SYT15: variants seen among roughly 807,000 people sequenced by gnomAD.
The protein encoded by SYT15 is synaptotagmin-15.
Under a neutral mutation model 30.1 loss-of-function variants are expected in SYT15, and 4 were observed. That is an observed-to-expected ratio of 0.13 (90% CI 0.07 to 0.30). The LOEUF is 0.30. SYT15 is among the 10% of genes least tolerant of loss of function. The pLI is 1.00. For missense variants in SYT15, 49 were observed against 371.7 expected (o/e 0.13, Z 7.14); for synonymous variants, 19 against 166.3 (o/e 0.11, Z 6.82).
downstream of SYT15, chr10:46,596,975 G>A (rs1470047315): frequency 1.3e-5 from 4 of 302,424 alleles, no homozygotes; most frequent in African/African-American, 7.7e-5. Flanking sequence ...CAAAAATCAT[G>A]TGAATTTTGT....
At chr10:46,581,849 G>A in intron 3 of SYT15, 47 bp from the exon 4 acceptor site, 1 of 1,274,508 alleles carries the variant, frequency 7.8e-7, no homozygotes, top group Non-Finnish European at 1.1e-6. Flanking sequence ...TGTCTCCCAT[G>A]CCCCTGCCTT....
At chr10:46,586,342 C>T (rs1555040751) in intron 7 of SYT15, among the ~76,000 whole-genome samples, 1 of 131,438 alleles carries the variant, frequency 7.6e-6, no homozygotes, top group Admixed American at 7.4e-5. Flanking sequence ...GTCAGGAGAT[C>T]GAGACCGTCC....
chr10:46,580,921 C>T lies in SYT15; in HGVS notation c.240C>T (p.Pro80=), dbSNP rs373061691. 251 of 1,364,842 alleles carry T rather than the reference C, an allele frequency of 1.8e-4. 24 individuals are homozygous for T. Among genetic ancestry groups the T allele is most frequent in the Non-Finnish European group, 4.7e-5 (48 of 1,023,656 alleles). 84.5% of individuals were successfully genotyped at this position (1,364,842 alleles called of 1,614,324 possible). The part of the protein sequence containing the change: ...SRPPAVPFVV[P]PTLQGRDWVP... Reference sequence around the variant, plus strand: ...CACCAGCTGTGCCATTCGTGGTGCCCCCAACCCTTCAAGGCCGAGATTGGG... The same window carrying T: ...CACCAGCTGTGCCATTCGTGGTGCCTCCAACCCTTCAAGGCCGAGATTGGG... The change falls in exon 3 of 8, where the codon CCC becomes CCT. Residue 80 remains proline, a synonymous_variant. Coordinates refer to ENST00000374321, the MANE Select transcript of SYT15 (RefSeq NM_031912.5).
chr10:46,593,061 C>T (rs1555044436), downstream of SYT15, among the ~76,000 whole-genome samples: 1 of 99,032 alleles, frequency 1.0e-5, no homozygotes, highest in Non-Finnish European at 2.0e-5. Context: ...GTGTCAGTAA[C>T]ATGCACTGGC....
At chr10:46,595,577 AG>A (rs1845651886), downstream of SYT15, among the ~76,000 whole-genome samples, 1 of 142,548 alleles carries the variant, frequency 7.0e-6, no homozygotes, top group African/African-American at 2.7e-5. Context: ...GGCCTCCCAA[AG>A]TGCTGAGATT....
At chr10:46,596,802 A>G (rs782595104), downstream of SYT15, 28 of 435,944 alleles carry the variant, frequency 6.4e-5, 5 homozygotes, top group South Asian at 4.5e-4. Context: ...AGCCAAATGC[A>G]AGCCTGGGCC....
At chr10:46,593,616 A>T (rs553273826), downstream of SYT15, 2 of 146,058 alleles carry the variant, frequency 1.4e-5, no homozygotes, top group East Asian at 3.9e-4. Flanking sequence ...ATAAAAAAAA[A>T]GTATAGTGTG....
chr10:46,595,309 CTTCCTTTCT>C (rs1202669183), downstream of SYT15, among the ~76,000 whole-genome samples: 4 of 144,120 alleles, frequency 2.8e-5, no homozygotes, highest in Non-Finnish European at 4.5e-5. Context: ...GTCTGCCTTC[CTTCCTTTCT>C]TTCCTTTCTT....
chr10:46,594,838 G>T (rs1377733236), downstream of SYT15, among the ~76,000 whole-genome samples: 1 of 101,832 alleles, frequency 9.8e-6, no homozygotes, highest in African/African-American at 4.7e-5. Context: ...CTTTCCAGTT[G>T]TTCTTGGAAT....
At chr10:46,586,705 C>T (rs577210558) in intron 7 of SYT15, among the ~76,000 whole-genome samples, 1,821 of 132,614 alleles carry the variant, frequency 0.014, 266 homozygotes, top group Admixed American at 0.13. Flanking sequence ...GTTAGCTAGG[C>T]GTGGTGGTGC....
At position 46,588,274 on chromosome 10, in the gene SYT15, TCTGCCCATGGCCCACC is replaced by T. The variant is rs1555041986; in HGVS notation, c.*630_*645del. On this transcript the variant is annotated 3_prime_UTR_variant, in exon 8 of 8. Transcript: ENST00000374321. ...AAATGCCCTCCCACATTGTGTCAAG[TCTGCCCATGGCCCACC>T]CTCCCCACAGTCCAAAACCACACAG... 1 of 986,002 alleles carries T rather than the reference TCTGCCCATGGCCCACC, an allele frequency of 1.0e-6. No individual in the cohort carries two copies. Among genetic ancestry groups the T allele is most frequent in the African/African-American group, 1.7e-5 (1 of 57,248 alleles). 61.1% of individuals were successfully genotyped at this position (986,002 alleles called of 1,614,324 possible). A position where few individuals can be genotyped will look rare whatever the true frequency, so the allele number is the denominator to read the frequency against.
chr10:46,595,194 C>A (rs1368499214), downstream of SYT15, among the ~76,000 whole-genome samples: 1 of 133,542 alleles, frequency 7.5e-6, no homozygotes, highest in Admixed American at 7.3e-5. Flanking sequence ...GTGGCGCCAT[C>A]TCAGCTCACT....
At chr10:46,582,564 AG>A (rs199961566) in intron 4 of SYT15, among the ~76,000 whole-genome samples, 3,334 of 144,000 alleles carry the variant, frequency 0.023, 412 homozygotes, top group Non-Finnish European at 0.036. Flanking sequence ...TATCTAAGGA[AG>A]GCAAAAGACA....
chr10:46,596,005 T>A (rs1845669384), downstream of SYT15: 1 of 146,128 alleles, frequency 6.8e-6, no homozygotes, highest in East Asian at 1.9e-4. Flanking sequence ...TGATATCTTT[T>A]TCCTGAGGGG....
At position 46,591,022 on chromosome 10, in the gene SYT15, TA is replaced by T; in HGVS notation, c.*3379del. The T allele has an allele frequency of 7.0e-6, 1 of 141,914 alleles. No individual in the cohort carries two copies. The highest frequency in any genetic ancestry group is 2.8e-5 in the African/African-American group (1 of 36,068). The allele number at this position is 141,914 out of a possible 1,614,324, so 8.8% of individuals were successfully genotyped here. A position where few individuals can be genotyped will look rare whatever the true frequency, so the allele number is the denominator to read the frequency against. ...ACAACAATACTTGGACTTATTTATT[TA>T]AAATTTAGATTTATTAGAGGGAGCA... On this transcript the variant is annotated 3_prime_UTR_variant, in exon 8 of 8. Transcript: ENST00000374321.
In SYT15 at chr10:46,591,804, T is replaced by A. The variant is rs1348313058; in HGVS notation, c.*4157T>A. ...GCATTTAGAGGTTGTGTTATTAGGC[T>A]CATACCCATTTAAAATTGACGTTTT... On this transcript the variant is annotated 3_prime_UTR_variant, in exon 8 of 8. Coordinates refer to ENST00000374321, the MANE Select transcript of SYT15 (RefSeq NM_031912.5). The A allele has an allele frequency of 7.0e-6, 1 of 143,476 alleles. No individual in the cohort carries two copies. The highest frequency in any genetic ancestry group is 1.5e-5 in the Non-Finnish European group (1 of 66,150). 8.9% of individuals were successfully genotyped at this position (143,476 alleles called of 1,614,324 possible).
In SYT15 at chr10:46,591,632, G is replaced by A. The variant is rs1555043813; in HGVS notation, c.*3985G>A. 7.1e-6 allele frequency: 1 copy of A among 140,118 alleles called. No individual in the cohort carries two copies. The highest frequency in any genetic ancestry group is 2.0e-4 in the East Asian group (1 of 4,904). The allele number at this position is 140,118 out of a possible 1,614,324, so 8.7% of individuals were successfully genotyped here. ...GTTATGTGTATTTCAACTGGGTCAA[G>A]TTTGTTAATCAGGTTGGTCAAATTA... On this transcript the variant is annotated 3_prime_UTR_variant, in exon 8 of 8. Transcript: ENST00000374321.
downstream of SYT15, among the ~76,000 whole-genome samples, chr10:46,594,578 A>C (rs1555045031): frequency 7.0e-6 from 1 of 142,998 alleles, no homozygotes; most frequent in East Asian, 2.0e-4. Flanking sequence ...TGACAACCTC[A>C]GTCTCCATTT....
At chr10:46,579,737 AGGT>A (rs1843950392) in intron 1 of SYT15, among the ~76,000 whole-genome samples, 2 of 83,008 alleles carry the variant, frequency 2.4e-5, no homozygotes, top group Admixed American at 1.2e-4. Flanking sequence ...ACCAGGGGGA[AGGT>A]ACCTTTCAGG....
Sources: gnomAD v4.1 joint callset for allele counts (sites outside exome capture counted in the v4.1 genomes callset) on GRCh38, gnomAD v4.1.1 for gene constraint, MANE v1.5 for transcripts, NCBI Gene and HGNC (gene_info 2026-07-23, HGNC 2026-07-21) for gene names.